Variants in OR2K2 observed in about 807,000 individuals in gnomAD.
OR2K2 encodes the protein olfactory receptor family 2 subfamily K member 2, also known as olfactory receptor 2K2.
Under a neutral mutation model 11.1 loss-of-function variants are expected in OR2K2, and 7 were observed. That is an observed-to-expected ratio of 0.63 (90% CI 0.36 to 1.19). OR2K2 has a LOEUF of 1.19. OR2K2 is among the 50% of genes most tolerant of loss of function. The pLI is 0.02. For missense variants in OR2K2, 391 were observed against 383.4 expected (o/e 1.02, Z -0.17); for synonymous variants, 152 against 150.8 (o/e 1.01, Z -0.06).
chr9:111,329,402 T>G (rs1221300079), intron 1 of OR2K2, among the ~76,000 whole-genome samples: 2 of 152,178 alleles, frequency 1.3e-5, no homozygotes, highest in Non-Finnish European at 2.9e-5. Context: ...CTAATACGTT[T>G]AATACTAATA....
In OR2K2 at chr9:111,328,085, C is replaced by A. The variant is rs1336743887; in HGVS notation, c.349G>T (p.Val117Leu). Residue 117 changes from valine to leucine, a missense_variant, in exon 2 of 2, where the codon GTG becomes TTG. Coordinates refer to ENST00000302681, the MANE Select transcript of OR2K2 (RefSeq NM_205859.2). ...GCCACATAACGGTCATATGCCATCACGGCCAGGAGCACACACTCTGTGGAG... is the reference window on the plus strand; with the variant it reads ...GCCACATAACGGTCATATGCCATCAAGGCCAGGAGCACACACTCTGTGGAG... Reference protein sequence around the residue: ...MGSTECVLLAVMAYDRYVAIC... With the variant: ...MGSTECVLLALMAYDRYVAIC... 6.2e-7 allele frequency: 1 copy of A among 1,614,156 alleles called. No individual in the cohort carries two copies. The highest frequency in any genetic ancestry group is 1.7e-5 in the Admixed American group (1 of 60,024).
Position 111,327,757 on chromosome 9 carries a change from C to G in OR2K2, c.677G>C (p.Arg226Thr). 2.5e-6 allele frequency: 4 copies of G among 1,614,136 alleles called. No homozygotes were observed. The highest frequency in any genetic ancestry group is 3.4e-6 in the Non-Finnish European group (4 of 1,180,030). Residue 226 changes from arginine (R) to threonine (T), a missense_variant, in exon 2 of 2, where the codon AGA (arginine) becomes ACA (threonine). Coordinates refer to ENST00000302681, the MANE Select transcript of OR2K2 (RefSeq NM_205859.2). ...SYIFILSTILRITSAEGRNKA... is the reference protein window; with the variant it reads ...SYIFILSTILTITSAEGRNKA... ...GTTTCTTCCCTCTGCTGAGGTGATT[C>G]TCAGAATAGTGGAAAGGATGAAGAT...
intron 1 of OR2K2, among the ~76,000 whole-genome samples, chr9:111,328,974 G>A (rs1250402560): frequency 6.6e-6 from 1 of 152,144 alleles, no homozygotes; most frequent in East Asian, 1.9e-4. Flanking sequence ...CAGCACTTTG[G>A]GAGGCTGAGG....
chr9:111,329,618 A>G (rs1032486060), intron 1 of OR2K2, among the ~76,000 whole-genome samples: 3 of 152,192 alleles, frequency 2.0e-5, no homozygotes, highest in Admixed American at 6.5e-5. Context: ...GGAATTGGCA[A>G]GAGAAGAATG....
Position 111,328,248 on chromosome 9 carries a change from G to A in OR2K2, c.186C>T (p.Phe62=). ...TATCCATGAAAGAGAGATTTCCAAG[G>A]AATAAGTACATGGGGGTTTTAAGGC... ...DSRLKTPMYL[F]LGNLSFMDIC... is the part of the protein sequence containing the mutation. Residue 62 remains phenylalanine, a synonymous_variant, in exon 2 of 2, where the codon TTC becomes TTT. Transcript: ENST00000302681. 6.2e-7 allele frequency: 1 copy of A among 1,614,150 alleles called. No individual in the cohort carries two copies. Among genetic ancestry groups the A allele is most frequent in the South Asian group, 1.1e-5 (1 of 91,074 alleles).
At position 111,328,304 on chromosome 9, in the gene OR2K2, T is replaced by C. The variant is rs778300692; in HGVS notation, c.130A>G (p.Thr44Ala). The change falls in exon 2 of 2, where the codon ACT becomes GCT. Residue 44 changes from threonine to alanine, a missense_variant. Coordinates refer to ENST00000302681, the MANE Select transcript of OR2K2 (RefSeq NM_205859.2). ...TCTAGGATAGTGATCAAAATAAGAG[T>C]GCTGTTGCCCAAGAGCGTTGTCAGA... ...MYLTTLLGNS[T>A]LILITILDSR... 1 of 1,613,862 alleles carries C rather than the reference T, an allele frequency of 6.2e-7. No individual in the cohort carries two copies. Among genetic ancestry groups the C allele is most frequent in the Non-Finnish European group, 8.5e-7 (1 of 1,179,924 alleles).
rs1039988038 is a variant in OR2K2 at position 111,327,361 on chromosome 9, C to G, written c.*122G>C. 4 of 653,236 alleles carry G rather than the reference C, an allele frequency of 6.1e-6. No homozygotes were observed. The highest frequency in any genetic ancestry group is 1.1e-5 in the Non-Finnish European group (4 of 372,886). The allele number at this position is 653,236 out of a possible 1,614,324, so 40.5% of individuals were successfully genotyped here. A position where few individuals can be genotyped will look rare whatever the true frequency, so the allele number is the denominator to read the frequency against. On this transcript the variant is annotated 3_prime_UTR_variant, in exon 2 of 2. Coordinates refer to ENST00000302681, the MANE Select transcript of OR2K2 (RefSeq NM_205859.2). ...AGGCAATCACTCTGTGTATGCAGCT[C>G]ATAACTGTGAAATTATATAGAGATA...
rs144434655 is a variant in OR2K2, at chr9:111,327,915, G to A, written c.519C>T (p.Ile173=). ...CCAGAATTTCACACGTGAAGTGATC[G>A]ATGAGATTCCCACAGAGGGGTATCT... ...ALQIPLCGNL[I]DHFTCEILAV... is the part of the protein sequence containing the mutation. Residue 173 remains isoleucine (I), a synonymous_variant, in exon 2 of 2, where the codon ATC becomes ATT. Coordinates refer to ENST00000302681, the MANE Select transcript of OR2K2 (RefSeq NM_205859.2). 1.2e-5 allele frequency: 20 copies of A among 1,614,054 alleles called. No individual in the cohort carries two copies. The African/African-American group carries it at 1.6e-4, about 13-fold the overall frequency.
rs201711403 is a variant in OR2K2 at position 111,327,674 on chromosome 9, C to T, written c.760G>A (p.Ala254Thr). The T allele has an allele frequency of 8.1e-6, 13 of 1,614,084 alleles. No individual in the cohort carries two copies. The highest frequency in any genetic ancestry group is 2.2e-5 in the East Asian group (1 of 44,882). Residue 254 changes from alanine to threonine, a missense_variant, in exon 2 of 2, where the codon GCC (alanine) becomes ACC (threonine). Coordinates refer to ENST00000302681, the MANE Select transcript of OR2K2 (RefSeq NM_205859.2). ...GAAGGCTTTAGGTACATAGAGAGGG[C>T]AGCCCCATAATACAAAATCACCACA... ...LTVVILYYGA[A>T]LSMYLKPSSS...
At position 111,328,079 on chromosome 9, in the gene OR2K2, C is replaced by A; in HGVS notation, c.355G>T (p.Ala119Ser). The change falls in exon 2 of 2, where the codon GCA (alanine) becomes TCA (serine). Residue 119 changes from alanine to serine, a missense_variant. Coordinates refer to ENST00000302681, the MANE Select transcript of OR2K2 (RefSeq NM_205859.2). ...STECVLLAVM[A>S]YDRYVAICNP... ...CAAATGGCCACATAACGGTCATATG[C>A]CATCACGGCCAGGAGCACACACTCT... The A allele has an allele frequency of 6.2e-7, 1 of 1,614,142 alleles. No individual in the cohort carries two copies. The highest frequency in any genetic ancestry group is 8.5e-7 in the Non-Finnish European group (1 of 1,180,032).
intron 1 of OR2K2, 33 bp downstream of exon 1, chr9:111,330,073 C>T (rs2098102404): frequency 1.3e-5 from 2 of 152,052 alleles, no homozygotes; most frequent in Admixed American, 6.6e-5. Flanking sequence ...CTAACAAGCA[C>T]AAGTTTTTAA....
At position 111,328,373 on chromosome 9, in the gene OR2K2, G is replaced by C; in HGVS notation, c.61C>G (p.Pro21Ala). 1 of 1,613,208 alleles carries C rather than the reference G, an allele frequency of 6.2e-7. No homozygotes were observed. The highest frequency in any genetic ancestry group is 8.5e-7 in the Non-Finnish European group (1 of 1,179,974). ...IFFLEGFSQYPGLEVVLFVFS... is the reference protein window; with the variant it reads ...IFFLEGFSQYAGLEVVLFVFS... ...ACGAAGAGAACCACTTCTAACCCTG[G>C]GTACTGGGAAAATCCCTCCAAGAAA... The change falls in exon 2 of 2, where the codon CCA (proline) becomes GCA (alanine). Residue 21 changes from proline to alanine, a missense_variant. Coordinates refer to ENST00000302681, the MANE Select transcript of OR2K2 (RefSeq NM_205859.2).
chr9:111,328,385 A>C lies in OR2K2; in HGVS notation c.49T>G (p.Phe17Val). The change falls in exon 2 of 2, where the codon TTT becomes GTT. Residue 17 changes from phenylalanine (F) to valine (V), a missense_variant. Physicochemically the swap from Phe to Val is conservative, Grantham distance 50. Transcript: ENST00000302681. Reference sequence around the variant, plus strand: ...ACTTCTAACCCTGGGTACTGGGAAAATCCCTCCAAGAAAAAAATGCTCCAA... The same window carrying C: ...ACTTCTAACCCTGGGTACTGGGAAACTCCCTCCAAGAAAAAAATGCTCCAA... Reference protein sequence around the residue: ...TIWSIFFLEGFSQYPGLEVVL... With the variant: ...TIWSIFFLEGVSQYPGLEVVL... 6.2e-7 allele frequency: 1 copy of C among 1,612,824 alleles called. No individual in the cohort carries two copies. Among genetic ancestry groups the C allele is most frequent in the Non-Finnish European group, 8.5e-7 (1 of 1,180,004 alleles).
At position 111,327,575 on chromosome 9, in the gene OR2K2, T is replaced by C. The variant is rs541566397; in HGVS notation, c.859A>G (p.Ile287Val). The C allele has an allele frequency of 1.1e-5, 17 of 1,613,470 alleles. No individual in the cohort carries two copies. The East Asian group carries it at 2.9e-4, about 27-fold the overall frequency. Residue 287 changes from isoleucine to valine, a missense_variant, in exon 2 of 2, where the codon ATA becomes GTA. Physicochemically the swap from Ile to Val is conservative, Grantham distance 29. Coordinates refer to ENST00000302681, the MANE Select transcript of OR2K2 (RefSeq NM_205859.2). ...YGVLTPMLNPIIYSLRNKEVK... is the reference protein window; with the variant it reads ...YGVLTPMLNPVIYSLRNKEVK... ...TCCTTGTTTCTTAAACTGTAAATTA[T>C]GGGGTTCAACATAGGGGTAAGCACT...
chr9:111,328,101 C>T lies in OR2K2; in HGVS notation c.333G>A (p.Glu111=). ...ATGCCATCACGGCCAGGAGCACACA[C>T]TCTGTGGAGCCCATGGCAAGGGACA... ...MYLSLAMGST[E]CVLLAVMAYD... is the part of the protein sequence containing the mutation. The change falls in exon 2 of 2, where the codon GAG becomes GAA. Residue 111 remains glutamate (E), a synonymous_variant. Transcript: ENST00000302681. 1 of 1,614,224 alleles carries T rather than the reference C, an allele frequency of 6.2e-7. No homozygotes were observed. The highest frequency in any genetic ancestry group is 8.5e-7 in the Non-Finnish European group (1 of 1,180,048).
chr9:111,329,995 TAAA>T (rs1015226146), intron 1 of OR2K2, 108 bp downstream of exon 1: 21 of 152,052 alleles, frequency 1.4e-4, no homozygotes, highest in Admixed American at 2.6e-4. Flanking sequence ...TCTCTAATAA[TAAA>T]AAATTTATTA....
intron 1 of OR2K2, among the ~76,000 whole-genome samples, chr9:111,329,485 A>C (rs1240459868): frequency 6.6e-6 from 1 of 152,256 alleles, no homozygotes; most frequent in Non-Finnish European, 1.5e-5. Context: ...TAAAAATTAT[A>C]GCCAGGCAAT....
rs2098101890 is a variant in OR2K2, at chr9:111,328,303, G to A, written c.131C>T (p.Thr44Ile). The change falls in exon 2 of 2, where the codon ACT becomes ATT. Residue 44 changes from threonine to isoleucine, a missense_variant. Coordinates refer to ENST00000302681, the MANE Select transcript of OR2K2 (RefSeq NM_205859.2). ...MYLTTLLGNS[T>I]LILITILDSR... ...ATCTAGGATAGTGATCAAAATAAGA[G>A]TGCTGTTGCCCAAGAGCGTTGTCAG... 1 of 1,614,108 alleles carries A rather than the reference G, an allele frequency of 6.2e-7. No homozygotes were observed. Among genetic ancestry groups the A allele is most frequent in the Non-Finnish European group, 8.5e-7 (1 of 1,179,984 alleles).
chr9:111,329,751 G>A, intron 1 of OR2K2, among the ~76,000 whole-genome samples: 1 of 152,122 alleles, frequency 6.6e-6, no homozygotes. Context: ...GGCAAAACTA[G>A]TTTCTAGCAG....
Sources: allele counts gnomAD v4.1 joint callset (sites outside exome capture counted in the v4.1 genomes callset), GRCh38; gene constraint gnomAD v4.1.1; transcripts MANE v1.5; gene names NCBI Gene and HGNC (gene_info 2026-07-23, HGNC 2026-07-21).